Variants in CCDC92 observed in about 807,000 individuals in gnomAD.
CCDC92 encodes the protein coiled-coil domain-containing protein 92.
A neutral mutation model predicts 24.9 loss-of-function variants in CCDC92; 12 were observed. The ratio of observed to expected loss-of-function variants is 0.48; its 90% CI spans 0.31 to 0.78. The LOEUF is 0.78. CCDC92 is among the 30% of genes least tolerant of loss of function. CCDC92 has a pLI of 0.05. For synonymous variants in CCDC92, 193 were observed against 196.3 expected, an observed-to-expected ratio of 0.98 and a Z score of 0.14; for missense variants, 399 against 439.4, an observed-to-expected ratio of 0.91 and a Z score of 0.82.
chr12:123,963,765 A>G (rs1956328436), intron 1 of CCDC92, among the ~76,000 whole-genome samples: 1 of 152,234 alleles, frequency 6.6e-6, no homozygotes, highest in African/African-American at 2.4e-5. Flanking sequence ...GACACATTGC[A>G]GCTGAGCTAG....
chr12:123,938,349 A>T (rs545046730), intron 4 of CCDC92, among the ~76,000 whole-genome samples: 138 of 150,576 alleles, frequency 9.2e-4, no homozygotes, highest in African/African-American at 1.7e-3. Context: ...CGTCTCTCTC[A>T]CACACACACA....
intron 1 of CCDC92, among the ~76,000 whole-genome samples, chr12:123,953,598 G>A (rs1488044540): frequency 6.6e-6 from 1 of 152,148 alleles, no homozygotes; most frequent in African/African-American, 2.4e-5. Context: ...CTAACATGGT[G>A]AAACTCTGTC....
intron 1 of CCDC92, among the ~76,000 whole-genome samples, chr12:123,955,548 G>A (rs1452740440): frequency 6.6e-6 from 1 of 152,198 alleles, no homozygotes; most frequent in Non-Finnish European, 1.5e-5. Context: ...CAATTCACCT[G>A]ACTTAACTGA....
At chr12:123,954,359 T>A (rs1239208859) in intron 1 of CCDC92, among the ~76,000 whole-genome samples, 1 of 152,244 alleles carries the variant, frequency 6.6e-6, no homozygotes, top group Non-Finnish European at 1.5e-5. Flanking sequence ...ATATGTATTT[T>A]ATTTTATTAA....
At chr12:123,970,382 T>G (rs1956498384) in intron 1 of CCDC92, 1 of 152,262 alleles carries the variant, frequency 6.6e-6, no homozygotes, top group South Asian at 2.1e-4. Flanking sequence ...AAACAACTTT[T>G]GCCTTCATAT....
At chr12:123,962,858 T>A (rs1000782513) in intron 1 of CCDC92, 12 of 152,318 alleles carry the variant, frequency 7.9e-5, no homozygotes, top group African/African-American at 2.9e-4. Flanking sequence ...AGGTTTTTTT[T>A]TAAAAAATCT....
chr12:123,968,071 T>C (rs1287717724), intron 1 of CCDC92: 2 of 152,272 alleles, frequency 1.3e-5, no homozygotes, highest in Non-Finnish European at 2.9e-5. Flanking sequence ...TGTCGTTTTT[T>C]TCCCCTTTTT....
At chr12:123,943,798 T>TGAG in intron 2 of CCDC92, 2 of 488,928 alleles carry the variant, frequency 4.1e-6, no homozygotes, top group Non-Finnish European at 7.4e-6. Flanking sequence ...CCTTTACTCA[T>TGAG]GAGGAAACAG....
At chr12:123,966,453 G>T (rs1481982648) in intron 1 of CCDC92, 9 of 152,184 alleles carry the variant, frequency 5.9e-5, no homozygotes, top group Admixed American at 5.9e-4. Context: ...TTGAGAAATA[G>T]CTAAGTCTTG....
At chr12:123,958,323 G>A (rs1956197625) in intron 1 of CCDC92, among the ~76,000 whole-genome samples, 1 of 152,324 alleles carries the variant, frequency 6.6e-6, no homozygotes, top group South Asian at 2.1e-4. Context: ...AAAGTGCTGG[G>A]ATTACAGGCA....
chr12:123,947,581 T>TCC (rs1426239214), intron 1 of CCDC92, among the ~76,000 whole-genome samples: 6 of 152,180 alleles, frequency 3.9e-5, no homozygotes, highest in Non-Finnish European at 7.4e-5. Flanking sequence ...ACTCTGTATC[T>TCC]AGCTACTCTG....
At chr12:123,950,379 C>T (rs1316631113) in intron 1 of CCDC92, among the ~76,000 whole-genome samples, 1 of 152,056 alleles carries the variant, frequency 6.6e-6, no homozygotes, top group South Asian at 2.1e-4. Flanking sequence ...CACTGGCTCT[C>T]GAGGGTCCAC....
intron 1 of CCDC92, chr12:123,956,192 T>A (rs1804192421): frequency 6.6e-6 from 1 of 152,266 alleles, no homozygotes; most frequent in South Asian, 2.1e-4. Context: ...ATCAGATATT[T>A]GTTGTTATTG....
At chr12:123,965,776 CCAA>C (rs1956378061) in intron 1 of CCDC92, among the ~76,000 whole-genome samples, 1 of 152,188 alleles carries the variant, frequency 6.6e-6, no homozygotes, top group Admixed American at 6.5e-5. Context: ...CTGGTACACA[CCAA>C]CAAGAAGGGA....
chr12:123,948,182 C>T (rs780660938), intron 1 of CCDC92, among the ~76,000 whole-genome samples: 3 of 152,330 alleles, frequency 2.0e-5, no homozygotes, highest in African/African-American at 2.4e-5. Flanking sequence ...CCACCTCACC[C>T]GCCATGATGG....
chr12:123,962,906 T>C (rs1426770578), intron 1 of CCDC92: 2 of 152,366 alleles, frequency 1.3e-5, no homozygotes, highest in East Asian at 3.9e-4. Flanking sequence ...TTTTCTGATA[T>C]GAGGCAAACT....
At chr12:123,950,091 C>T (rs1036166488) in intron 1 of CCDC92, among the ~76,000 whole-genome samples, 15 of 152,244 alleles carry the variant, frequency 9.9e-5, no homozygotes, top group Non-Finnish European at 2.2e-4. Context: ...AAAGAGAGAA[C>T]ATAAACCAAT....
At chr12:123,942,027 G>A (rs1394439054) in intron 4 of CCDC92, among the ~76,000 whole-genome samples, 4 of 152,186 alleles carry the variant, frequency 2.6e-5, no homozygotes, top group Non-Finnish European at 4.4e-5. Context: ...TTGCCTTCCC[G>A]ACGTGATAAA....
intron 4 of CCDC92, among the ~76,000 whole-genome samples, chr12:123,940,959 C>A (rs780211834): frequency 6.7e-6 from 1 of 149,414 alleles, no homozygotes; most frequent in Middle Eastern, 3.2e-3. Flanking sequence ...AAACTGCCTC[C>A]CCTAAGACAC....
Sources: allele counts gnomAD v4.1 joint callset (sites outside exome capture counted in the v4.1 genomes callset), GRCh38; gene constraint gnomAD v4.1.1; transcripts MANE v1.5; gene names NCBI Gene and HGNC (gene_info 2026-07-23, HGNC 2026-07-21).